Variants in LARP1B observed in about 807,000 individuals in gnomAD.
LARP1B encodes the protein la-related protein 1B.
A neutral mutation model predicts 114.2 loss-of-function variants in LARP1B; 76 were observed. The observed-to-expected ratio is 0.67, with a 90% CI of 0.55 to 0.81. The LOEUF (loss-of-function observed/expected upper bound fraction) is 0.81. LARP1B is among the 30% of genes least tolerant of loss of function. The probability of loss-of-function intolerance (pLI) is 0.00; values close to 1 mark genes in which losing one functional copy is unlikely to be tolerated. For missense variants in LARP1B, 1,014 were observed against 1,075.8 expected (o/e 0.94, Z 0.80); for synonymous variants, 345 against 348.0 (o/e 0.99, Z 0.10).
intron 15 of LARP1B, among the ~76,000 whole-genome samples, chr4:128,194,583 T>C (rs1753429053): frequency 7.0e-6 from 1 of 142,356 alleles, no homozygotes; most frequent in East Asian, 2.2e-4. Flanking sequence ...CTCGGGAGGC[T>C]GAGGCAGGAG....
At chr4:128,086,849 G>A (rs1034898655) in intron 5 of LARP1B, among the ~76,000 whole-genome samples, 39 of 152,006 alleles carry the variant, frequency 2.6e-4, no homozygotes, top group African/African-American at 8.9e-4. Context: ...CACCCAGGCT[G>A]GAGTGCAGTG....
chr4:128,167,063 T>TACACAC (rs1194581443), intron 12 of LARP1B, among the ~76,000 whole-genome samples: 1 of 146,892 alleles, frequency 6.8e-6, no homozygotes, highest in South Asian at 2.2e-4. Flanking sequence ...CACACACATA[T>TACACAC]ACACACACAC....
intron 9 of LARP1B, among the ~76,000 whole-genome samples, chr4:128,112,952 G>A (rs1315399667): frequency 1.3e-5 from 2 of 152,176 alleles, no homozygotes; most frequent in African/African-American, 4.8e-5. Flanking sequence ...GTAGATGAAT[G>A]TAAAATCTTG....
chr4:128,070,307 G>A (rs1431600281), intron 1 of LARP1B, among the ~76,000 whole-genome samples: 3 of 151,084 alleles, frequency 2.0e-5, no homozygotes, highest in African/African-American at 7.3e-5. Context: ...GTGACAGAGT[G>A]AGACTCCGTC....
chr4:128,116,552 G>A (rs1785889745), intron 10 of LARP1B, among the ~76,000 whole-genome samples: 1 of 152,102 alleles, frequency 6.6e-6, no homozygotes, highest in African/African-American at 2.4e-5. Flanking sequence ...CTGGTAGCTG[G>A]TTTTAAAAGT....
At position 128,207,329 on chromosome 4, in the gene LARP1B, A is replaced by G. The variant is rs2150949339; in HGVS notation, c.2493A>G (p.Pro831=). The stretch of plus-strand genomic sequence containing the variant: ...AATCTAAGACACAGTCTATTGACCC[A>G]AAACTTCAGGAATACCTCTGTAGTT... ...YSQSKTQSID[P]KLQEYLCSFK... Residue 831 remains proline, a synonymous_variant, in exon 19 of 20, where the codon CCA becomes CCG. Transcript: ENST00000326639. 2 of 1,562,020 alleles carry G rather than the reference A, an allele frequency of 1.3e-6. No individual in the cohort carries two copies. The highest frequency in any genetic ancestry group is 2.3e-5 in the East Asian group (1 of 42,998).
At chr4:128,096,242 C>T (rs1777955221) in intron 7 of LARP1B, among the ~76,000 whole-genome samples, 1 of 152,172 alleles carries the variant, frequency 6.6e-6, no homozygotes, top group African/African-American at 2.4e-5. Flanking sequence ...ATCCGCCCGC[C>T]TCGGCCTCCC....
rs75867291 is a variant in LARP1B, at chr4:128,202,698, G to A, written c.2309+2033G>A. Among the ~76,000 whole-genome samples, 757 of 152,246 alleles carry A rather than the reference G, an allele frequency of 5.0e-3. 1 individual carries two copies. Among genetic ancestry groups the A allele is most frequent in the Non-Finnish European group, 8.2e-3 (560 of 68,016 alleles). ...TCTGTGTTCCTATACACATACCTCT[G>A]TGTATGTTTCTAATACCTTTGTAAC... On this transcript the variant is annotated intron_variant, in intron 17 of 19. Transcript: ENST00000326639.
intron 11 of LARP1B, among the ~76,000 whole-genome samples, chr4:128,147,629 T>G (rs570599542): frequency 1.3e-5 from 2 of 152,324 alleles, no homozygotes; most frequent in Admixed American, 1.3e-4. Flanking sequence ...AAGAAAATCT[T>G]GTGTTTCAAA....
intron 11 of LARP1B, chr4:128,155,365 C>T (rs934924748): frequency 1.6e-5 from 9 of 566,666 alleles, no homozygotes; most frequent in Admixed American, 6.1e-5. Context: ...GGCCGTGGAC[C>T]ACGCGGAGCC....
intron 11 of LARP1B, among the ~76,000 whole-genome samples, chr4:128,156,732 G>T (rs1208707217): frequency 1.3e-5 from 2 of 152,116 alleles, no homozygotes; most frequent in Non-Finnish European, 2.9e-5. Flanking sequence ...GAGCTGATCT[G>T]CAGATCTCAG....
At chr4:128,118,141 G>A (rs1426413389) in intron 10 of LARP1B, among the ~76,000 whole-genome samples, 1 of 121,874 alleles carries the variant, frequency 8.2e-6, no homozygotes, top group Non-Finnish European at 1.6e-5. Flanking sequence ...GCCCAGGCTA[G>A]TCTTGAACTC....
chr4:128,082,065 A>C (rs1452503399), intron 4 of LARP1B, 100 bp from the exon 5 acceptor site: 12 of 1,069,090 alleles, frequency 1.1e-5, no homozygotes, highest in Non-Finnish European at 1.3e-5. Context: ...AATACACATT[A>C]AGTGTTTCAC....
At chr4:128,082,761 A>C (rs983283749) in intron 5 of LARP1B, among the ~76,000 whole-genome samples, 1 of 148,940 alleles carries the variant, frequency 6.7e-6, no homozygotes, top group African/African-American at 2.5e-5. Flanking sequence ...GGGGTTGTGA[A>C]TTTTTGGCAG....
chr4:128,196,451 T>C (rs1341014558), intron 15 of LARP1B, among the ~76,000 whole-genome samples: 1 of 151,490 alleles, frequency 6.6e-6, no homozygotes, highest in Non-Finnish European at 1.5e-5. Context: ...CCCAGGAGGT[T>C]GAAGCTGCAG....
In LARP1B at chr4:128,199,615, T is replaced by G; in HGVS notation, c.2164+16T>G. 7.2e-7 allele frequency: 1 copy of G among 1,386,798 alleles called. No homozygotes were observed. The highest frequency in any genetic ancestry group is 9.6e-7 in the Non-Finnish European group (1 of 1,038,954). The allele number at this position is 1,386,798 out of a possible 1,614,324, so 85.9% of individuals were successfully genotyped here. On this transcript the variant is annotated intron_variant, in intron 16 of 19. Coordinates refer to ENST00000326639, the MANE Select transcript of LARP1B (RefSeq NM_018078.4). Reference sequence around the variant, plus strand: ...TGCCTAAGTGGTAAGATGCTTGTCCTTTATCTATCTAATATATTTAAAATT... The same window carrying G: ...TGCCTAAGTGGTAAGATGCTTGTCCGTTATCTATCTAATATATTTAAAATT...
chr4:128,174,793 A>T (rs1336681116), intron 12 of LARP1B, among the ~76,000 whole-genome samples: 1 of 152,098 alleles, frequency 6.6e-6, no homozygotes, highest in Non-Finnish European at 1.5e-5. Flanking sequence ...TTCACTATAT[A>T]TTGCAAACTG....
rs1039493999 is a variant in LARP1B, at chr4:128,176,529, T to C, written c.1649-343T>C. ...GGCTGGTCTCGAGCTGCTGACCTCA[T>C]GTGATCTACCCGCCTCGGCCTCCCA... On this transcript the variant is annotated intron_variant, in intron 12 of 19. Transcript: ENST00000326639. 2.0e-5 allele frequency among the ~76,000 whole-genome samples: 3 copies of C among 151,844 alleles called. No homozygotes were observed. In the South Asian group the frequency reaches 6.2e-4, roughly 32 times the overall value.
At chr4:128,109,703 C>T (rs1783333046) in intron 9 of LARP1B, among the ~76,000 whole-genome samples, 2 of 150,278 alleles carry the variant, frequency 1.3e-5, no homozygotes, top group Non-Finnish European at 1.5e-5. Context: ...TAGTGTTTTT[C>T]TTTCTTTTCT....
Sources: gnomAD v4.1 joint callset for allele counts (sites outside exome capture counted in the v4.1 genomes callset) on GRCh38, gnomAD v4.1.1 for gene constraint, MANE v1.5 for transcripts, NCBI Gene and HGNC (gene_info 2026-07-23, HGNC 2026-07-21) for gene names.